EXOC4: variants seen among roughly 807,000 people sequenced by gnomAD.
EXOC4 encodes exocyst complex component 4.
EXOC4 carries 71 observed loss-of-function variants against 107.2 expected under a neutral mutation model. That is an observed-to-expected ratio of 0.66 (90% CI 0.55 to 0.81). The LOEUF is 0.81. Among genes scored for constraint, EXOC4 ranks in the 30% least tolerant of loss-of-function variants. EXOC4 has a pLI of 0.00. For synonymous variants in EXOC4, 456 were observed against 441.2 expected (o/e 1.03, Z -0.42); for missense variants, 1,108 against 1,189.6 (o/e 0.93, Z 1.01).
At chr7:133,787,173 C>CTTTT (rs3076807) in intron 10 of EXOC4, among the ~76,000 whole-genome samples, 1 of 133,146 alleles carries the variant, frequency 7.5e-6, no homozygotes, top group Non-Finnish European at 1.6e-5. Context: ...TTTTTCTTTT[C>CTTTT]TTTTTTTTTT....
rs556266260 is a variant in EXOC4, at chr7:133,630,140, A to G, written c.1513A>G (p.Arg505Gly). 6.2e-7 allele frequency: 1 copy of G among 1,607,408 alleles called. No homozygotes were observed. The highest frequency in any genetic ancestry group is 1.3e-5 in the African/African-American group (1 of 74,902). ...TACCGTCATATTCCACCCATTACTA[A>G]GGTAAGTCAAGTGCTATGATATACT... ...NITVIFHPLL[R>G]FIQEIEHALG... The change falls in exon 10 of 18, where the codon AGA (arginine) becomes GGA (glycine). Residue 505 changes from arginine to glycine, a missense_variant and splice_region_variant. Physicochemically the swap from Arg to Gly is moderately radical, Grantham distance 125. Coordinates refer to ENST00000253861, the MANE Select transcript of EXOC4 (RefSeq NM_021807.4).
At chr7:133,719,796 T>C (rs573802114) in intron 10 of EXOC4, among the ~76,000 whole-genome samples, 6 of 152,328 alleles carry the variant, frequency 3.9e-5, no homozygotes, top group African/African-American at 1.2e-4. Flanking sequence ...AGTAATTGTT[T>C]TTAATGTAGC....
chr7:133,845,971 T>C (rs1261089137), intron 11 of EXOC4, among the ~76,000 whole-genome samples: 1 of 152,124 alleles, frequency 6.6e-6, no homozygotes, highest in Non-Finnish European at 1.5e-5. Context: ...AATAAAACAA[T>C]AGACTTTGCA....
At chr7:133,366,296 TGAA>T (rs1248787971) in intron 6 of EXOC4, among the ~76,000 whole-genome samples, 1 of 152,154 alleles carries the variant, frequency 6.6e-6, no homozygotes, top group African/African-American at 2.4e-5. Context: ...TGGTAGCACT[TGAA>T]GATGAGATAC....
At chr7:133,270,670 G>A (rs1427232660) in intron 1 of EXOC4, among the ~76,000 whole-genome samples, 1 of 152,176 alleles carries the variant, frequency 6.6e-6, no homozygotes, top group Non-Finnish European at 1.5e-5. Flanking sequence ...TTTATAATAA[G>A]TAAAGCTGTT....
intron 14 of EXOC4, among the ~76,000 whole-genome samples, chr7:133,959,550 A>G (rs1800893662): frequency 6.6e-6 from 1 of 151,912 alleles, no homozygotes; most frequent in Non-Finnish European, 1.5e-5. Flanking sequence ...AGAGAGGGCC[A>G]TAAAAAAAAT....
At chr7:133,347,098 G>C (rs1040898866) in intron 5 of EXOC4, among the ~76,000 whole-genome samples, 2 of 152,054 alleles carry the variant, frequency 1.3e-5, no homozygotes, top group Non-Finnish European at 2.9e-5. Flanking sequence ...AGGACACGAA[G>C]TAATTTTTTA....
intron 1 of EXOC4, among the ~76,000 whole-genome samples, chr7:133,264,530 A>G (rs1410098963): frequency 6.6e-6 from 1 of 152,176 alleles, no homozygotes; most frequent in East Asian, 1.9e-4. Flanking sequence ...AGCAATCACA[A>G]TGTATAATTG....
In EXOC4 at chr7:133,687,309, T is replaced by C. The variant is rs1408579021; in HGVS notation, c.1514+57168T>C. On this transcript the variant is annotated intron_variant, in intron 10 of 17. Transcript: ENST00000253861. Reference sequence around the variant, plus strand: ...ACTACAAATTGGGTTTAGTGTATACTACTCAGGTGATGGGTGCACCAAAAT... The same window carrying C: ...ACTACAAATTGGGTTTAGTGTATACCACTCAGGTGATGGGTGCACCAAAAT... Among the ~76,000 whole-genome samples, 7 of 152,072 alleles carry C rather than the reference T, an allele frequency of 4.6e-5. No individual in the cohort carries two copies. In the South Asian group the frequency reaches 1.2e-3, roughly 27 times the overall value.
At chr7:133,766,795 A>T (rs948804692) in intron 10 of EXOC4, among the ~76,000 whole-genome samples, 1 of 151,950 alleles carries the variant, frequency 6.6e-6, no homozygotes, top group Admixed American at 6.6e-5. Context: ...CAAATTGCCC[A>T]GGTCACTTGG....
At chr7:133,781,164 G>A (rs150360536) in intron 10 of EXOC4, among the ~76,000 whole-genome samples, 23 of 152,306 alleles carry the variant, frequency 1.5e-4, no homozygotes, top group African/African-American at 5.3e-4. Flanking sequence ...GTATCAAGAA[G>A]CAAAATTCCC....
At chr7:134,030,621 G>A (rs1175646375) in intron 17 of EXOC4, among the ~76,000 whole-genome samples, 1 of 152,064 alleles carries the variant, frequency 6.6e-6, no homozygotes, top group African/African-American at 2.4e-5. Flanking sequence ...AATGACAAAG[G>A]CTTGGAGCAA....
At chr7:133,750,654 C>T (rs1795777917) in intron 10 of EXOC4, among the ~76,000 whole-genome samples, 1 of 151,312 alleles carries the variant, frequency 6.6e-6, no homozygotes, top group African/African-American at 2.4e-5. Context: ...AGTCATGGCT[C>T]ACTGCAACCC....
chr7:133,878,330 CACATTTTTCATG>C (rs1449973236), intron 11 of EXOC4, among the ~76,000 whole-genome samples: 4 of 152,180 alleles, frequency 2.6e-5, no homozygotes, highest in Non-Finnish European at 4.4e-5. Flanking sequence ...CCCTAACAGT[CACATTTTTCATG>C]ACAGTGATAC....
intron 10 of EXOC4, among the ~76,000 whole-genome samples, chr7:133,784,442 G>C (rs937576566): frequency 5.9e-5 from 9 of 152,036 alleles, no homozygotes; most frequent in Non-Finnish European, 2.9e-5. Context: ...GTGATATATG[G>C]AGCACCCTGG....
In EXOC4 at chr7:133,356,487, G is replaced by T. The variant is rs1222295239; in HGVS notation, c.921G>T (p.Leu307Phe). The T allele has an allele frequency of 6.2e-7, 1 of 1,614,158 alleles. No individual in the cohort carries two copies. Among genetic ancestry groups the T allele is most frequent in the Admixed American group, 1.7e-5 (1 of 60,006 alleles). ...TCATAGAGCGCTTGGAGCAGGAGTTGAAGCAAATTGTGAAGAGGTCTACAA... is the reference window on the plus strand; with the variant it reads ...TCATAGAGCGCTTGGAGCAGGAGTTTAAGCAAATTGTGAAGAGGTCTACAA... ...KAIIERLEQE[L>F]KQIVKRSTTQ... Residue 307 changes from leucine (L) to phenylalanine (F), a missense_variant, in exon 6 of 18, where the codon TTG (leucine) becomes TTT (phenylalanine). Leu to Phe is a conservative substitution (Grantham distance 22, BLOSUM62 0). Coordinates refer to ENST00000253861, the MANE Select transcript of EXOC4 (RefSeq NM_021807.4).
At chr7:133,303,198 G>T (rs1794679562) in intron 3 of EXOC4, among the ~76,000 whole-genome samples, 1 of 152,196 alleles carries the variant, frequency 6.6e-6, no homozygotes, top group African/African-American at 2.4e-5. Context: ...ACTTTGAGAG[G>T]CCAAGGTGGG....
At chr7:133,272,178 T>A (rs1793888346) in intron 1 of EXOC4, among the ~76,000 whole-genome samples, 1 of 152,150 alleles carries the variant, frequency 6.6e-6, no homozygotes, top group South Asian at 2.1e-4. Context: ...GTATTTTCAC[T>A]TTATAGATGA....
intron 10 of EXOC4, among the ~76,000 whole-genome samples, chr7:133,633,167 A>G (rs62470055): frequency 0.13 from 20,135 of 152,124 alleles, 1,457 homozygotes; most frequent in East Asian, 0.25. Flanking sequence ...AAAACACCAC[A>G]TATTGGCGAG....
Sources: gnomAD v4.1 joint callset for allele counts (sites outside exome capture counted in the v4.1 genomes callset) on GRCh38, gnomAD v4.1.1 for gene constraint, MANE v1.5 for transcripts, NCBI Gene and HGNC (gene_info 2026-07-23, HGNC 2026-07-21) for gene names.